DAPK1: variants seen among roughly 807,000 people sequenced by gnomAD.
DAPK1 encodes death-associated protein kinase 1.
DAPK1 carries 56 observed loss-of-function variants against 144.9 expected under a neutral mutation model. The observed-to-expected ratio is 0.39, with a 90% CI of 0.31 to 0.48. DAPK1 has a LOEUF of 0.48. DAPK1 is among the 20% of genes least tolerant of loss of function. The pLI is 0.95. For missense variants in DAPK1, 1,454 were observed against 1,875.4 expected, an observed-to-expected ratio of 0.78 and a Z score of 4.15; for synonymous variants, 690 against 749.0, an observed-to-expected ratio of 0.92 and a Z score of 1.29.
chr9:87,668,579 T>C lies in DAPK1; in HGVS notation c.1924-18T>C. 8.6e-7 allele frequency: 1 copy of C among 1,156,212 alleles called. No individual in the cohort carries two copies. The highest frequency in any genetic ancestry group is 1.2e-5 in the South Asian group (1 of 82,278). 71.6% of individuals were successfully genotyped at this position (1,156,212 alleles called of 1,614,324 possible). A position where few individuals can be genotyped will look rare whatever the true frequency, so the allele number is the denominator to read the frequency against. The stretch of plus-strand genomic sequence containing the variant: ...CTCCTTTTCAGAGAAAAGAAACTAA[T>C]GCATTTTTCTCCAACAGGACGGAAA... On this transcript the variant is annotated intron_variant, in intron 18 of 25. Coordinates refer to ENST00000408954, the MANE Select transcript of DAPK1 (RefSeq NM_004938.4).
At chr9:87,613,294 T>G (rs1056027616) in intron 3 of DAPK1, among the ~76,000 whole-genome samples, 3 of 152,264 alleles carry the variant, frequency 2.0e-5, no homozygotes, top group African/African-American at 7.2e-5. Flanking sequence ...CATATTGTTG[T>G]GCAACAGATT....
chr9:87,530,063 C>T (rs1320396103), intron 2 of DAPK1, among the ~76,000 whole-genome samples: 2 of 152,182 alleles, frequency 1.3e-5, no homozygotes, highest in Non-Finnish European at 2.9e-5. Flanking sequence ...AAGTCCTCAA[C>T]GCAGTCCTGT....
intron 2 of DAPK1, among the ~76,000 whole-genome samples, chr9:87,597,294 T>G (rs1828351794): frequency 6.6e-6 from 1 of 152,190 alleles, no homozygotes; most frequent in Admixed American, 6.5e-5. Flanking sequence ...CATCACCTAC[T>G]TCCAGCTGAA....
intron 3 of DAPK1, among the ~76,000 whole-genome samples, chr9:87,615,520 T>A (rs1829065112): frequency 6.6e-6 from 1 of 152,248 alleles, no homozygotes; most frequent in Non-Finnish European, 1.5e-5. Flanking sequence ...TTTCCCCTAA[T>A]ATTTTGATAG....
intron 2 of DAPK1, among the ~76,000 whole-genome samples, chr9:87,533,794 C>T (rs1825775390): frequency 1.3e-5 from 2 of 152,226 alleles, no homozygotes. Flanking sequence ...TTCCGAATAT[C>T]TGGGATTACA....
rs61324273 is a variant in DAPK1 at position 87,692,952 on chromosome 9, CTTTTTTTTTTTTTTTTTTTTTTT to C, written c.2414-4038_2414-4016del. 1.2e-3 allele frequency among the ~76,000 whole-genome samples: 32 copies of C among 26,406 alleles called. 1 individual carries two copies. The highest frequency in any genetic ancestry group is 4.0e-3 in the Admixed American group (5 of 1,258). 17.3% of individuals were successfully genotyped at this position (26,406 alleles called of 152,430 possible). A position where few individuals can be genotyped will look rare whatever the true frequency, so the allele number is the denominator to read the frequency against. On this transcript the variant is annotated intron_variant, in intron 21 of 25. Coordinates refer to ENST00000408954, the MANE Select transcript of DAPK1 (RefSeq NM_004938.4). ...GGGCGTTCCCTTGTAAGTGACTAGA[CTTTTTTTTTTTTTTTTTTTTTTT>C]TTTTTTTTTTTTTTTTCTGTTTTCA...
intron 2 of DAPK1, among the ~76,000 whole-genome samples, chr9:87,537,055 T>C (rs1476863621): frequency 6.6e-6 from 1 of 151,988 alleles, no homozygotes; most frequent in Non-Finnish European, 1.5e-5. Flanking sequence ...TGGCCCAATC[T>C]TGGCTCACTG....
At chr9:87,585,014 GC>G (rs1827898698) in intron 2 of DAPK1, among the ~76,000 whole-genome samples, 1 of 152,056 alleles carries the variant, frequency 6.6e-6, no homozygotes. Flanking sequence ...TAAGTCCATT[GC>G]CCATTTTAAA....
At chr9:87,575,916 C>T (rs879911351) in intron 2 of DAPK1, among the ~76,000 whole-genome samples, 6 of 152,206 alleles carry the variant, frequency 3.9e-5, no homozygotes, top group Admixed American at 3.9e-4. Context: ...ACAGAAGGTA[C>T]AGATAGAATT....
chr9:87,640,185 A>T, intron 7 of DAPK1, 113 bp from the exon 8 acceptor site: 1 of 1,066,812 alleles, frequency 9.4e-7, no homozygotes, highest in Non-Finnish European at 1.4e-6. Context: ...TCAAACTGTG[A>T]CTATTCGAGC....
intron 3 of DAPK1, among the ~76,000 whole-genome samples, chr9:87,625,225 A>G (rs182234991): frequency 4.0e-5 from 6 of 149,920 alleles, no homozygotes; most frequent in African/African-American, 1.5e-4. Context: ...GGGTCGCTAT[A>G]GGAATGAATT....
At chr9:87,589,221 C>G (rs757389955) in intron 2 of DAPK1, among the ~76,000 whole-genome samples, 15 of 152,026 alleles carry the variant, frequency 9.9e-5, no homozygotes, top group Admixed American at 5.9e-4. Flanking sequence ...TACAGAGCAT[C>G]TTAAGGTTGG....
At chr9:87,529,855 T>C (rs1029009353) in intron 2 of DAPK1, among the ~76,000 whole-genome samples, 2 of 152,230 alleles carry the variant, frequency 1.3e-5, no homozygotes, top group African/African-American at 4.8e-5. Flanking sequence ...TCTGTGGTCA[T>C]CTGCTCTAAA....
intron 2 of DAPK1, among the ~76,000 whole-genome samples, chr9:87,590,916 C>G (rs1443184102): frequency 1.3e-5 from 2 of 152,230 alleles, no homozygotes; most frequent in African/African-American, 4.8e-5. Flanking sequence ...TGTATTCATA[C>G]AAGACCTTGA....
In DAPK1 at chr9:87,654,018, G is replaced by C. The variant is rs998885008; in HGVS notation, c.1824+2294G>C. On this transcript the variant is annotated intron_variant, in intron 17 of 25. Coordinates refer to ENST00000408954, the MANE Select transcript of DAPK1 (RefSeq NM_004938.4). Reference sequence around the variant, plus strand: ...CCTATATTTTTCTGCTTAGCTTTCCGCATTGAGAGTTTTATGGGCAAAAGT... The same window carrying C: ...CCTATATTTTTCTGCTTAGCTTTCCCCATTGAGAGTTTTATGGGCAAAAGT... Among the ~76,000 whole-genome samples the C allele has an allele frequency of 1.3e-5, 2 of 152,230 alleles. 1 individual carries two copies. The highest frequency in any genetic ancestry group is 4.1e-4 in the South Asian group (2 of 4,824).
At chr9:87,591,187 C>T (rs530930533) in intron 2 of DAPK1, among the ~76,000 whole-genome samples, 12 of 152,274 alleles carry the variant, frequency 7.9e-5, no homozygotes, top group Admixed American at 3.3e-4. Context: ...ATGTGAGGTC[C>T]GTCCTGTACT....
intron 2 of DAPK1, among the ~76,000 whole-genome samples, chr9:87,572,299 G>A (rs989629865): frequency 6.6e-6 from 1 of 152,094 alleles, no homozygotes; most frequent in Non-Finnish European, 1.5e-5. Flanking sequence ...TATTTAGACC[G>A]GGTTCTATGA....
intron 2 of DAPK1, among the ~76,000 whole-genome samples, chr9:87,540,309 C>T (rs962812538): frequency 7.9e-5 from 12 of 151,408 alleles, no homozygotes; most frequent in African/African-American, 2.7e-4. Flanking sequence ...CCTGCCTCAG[C>T]CCCCTGAGTA....
chr9:87,505,899 G>A (rs778400038), intron 2 of DAPK1, among the ~76,000 whole-genome samples: 3 of 152,094 alleles, frequency 2.0e-5, no homozygotes, highest in Non-Finnish European at 4.4e-5. Flanking sequence ...TGTTGGCTAG[G>A]CTGGTCTTGA....
Sources: allele counts gnomAD v4.1 joint callset (sites outside exome capture counted in the v4.1 genomes callset), GRCh38; gene constraint gnomAD v4.1.1; transcripts MANE v1.5; gene names NCBI Gene and HGNC (gene_info 2026-07-23, HGNC 2026-07-21).